Variants in NRG3 observed in about 807,000 individuals in gnomAD.
NRG3 encodes pro-neuregulin-3, membrane-bound isoform.
In NRG3, 31 loss-of-function variants were observed where a neutral mutation model predicts 66.9. That is an observed-to-expected ratio of 0.46 (90% CI 0.35 to 0.63). NRG3 has a LOEUF of 0.63. NRG3 is among the 20% of genes least tolerant of loss of function. The probability of loss-of-function intolerance (pLI) is 0.00; values close to 1 mark genes in which losing one functional copy is unlikely to be tolerated. For synonymous variants in NRG3, 393 were observed against 359.4 expected, an observed-to-expected ratio of 1.09 and a Z score of -1.06; for missense variants, 910 against 878.9, an observed-to-expected ratio of 1.04 and a Z score of -0.45.
chr10:82,668,928 G>C (rs1417431018), intron 2 of NRG3, among the ~76,000 whole-genome samples: 3 of 152,068 alleles, frequency 2.0e-5, no homozygotes, highest in Non-Finnish European at 1.5e-5. Flanking sequence ...GATCCTGAAG[G>C]GCATGAATTT....
At chr10:82,088,248 C>CT (rs934096699) in intron 1 of NRG3, among the ~76,000 whole-genome samples, 3 of 151,924 alleles carry the variant, frequency 2.0e-5, no homozygotes, top group African/African-American at 7.3e-5. Context: ...TCTTTCATTT[C>CT]TTTTTTTATT....
intron 2 of NRG3, among the ~76,000 whole-genome samples, chr10:82,363,446 T>TGTTTGTTA (rs1013509915): frequency 6.6e-6 from 1 of 151,806 alleles, no homozygotes; most frequent in African/African-American, 2.4e-5. Flanking sequence ...TACTGTTTTT[T>TGTTTGTTA]GTTTGTTTGT....
intron 3 of NRG3, among the ~76,000 whole-genome samples, chr10:82,858,302 T>C (rs995522847): frequency 2.0e-5 from 3 of 152,184 alleles, no homozygotes; most frequent in African/African-American, 4.8e-5. Flanking sequence ...TCTCCCCTCC[T>C]AATCAGAACT....
At chr10:82,709,445 G>A (rs61863568) in intron 2 of NRG3, among the ~76,000 whole-genome samples, 36,932 of 151,652 alleles carry the variant, frequency 0.24, 4,656 homozygotes, top group Middle Eastern at 0.36. Context: ...GCTGTGGCGC[G>A]ATCTTGGCTC....
intron 2 of NRG3, among the ~76,000 whole-genome samples, chr10:82,381,483 G>A (rs974997502): frequency 2.6e-5 from 4 of 152,060 alleles, no homozygotes; most frequent in African/African-American, 9.7e-5. Flanking sequence ...TAAGTAACTC[G>A]TCCAAGCGGC....
intron 2 of NRG3, among the ~76,000 whole-genome samples, chr10:82,474,275 A>G (rs1296165074): frequency 6.6e-6 from 1 of 152,136 alleles, no homozygotes; most frequent in Admixed American, 6.6e-5. Flanking sequence ...CTGAAGAAAT[A>G]TAGGCACTGA....
At chr10:82,734,384 G>C (rs2058058098) in intron 2 of NRG3, among the ~76,000 whole-genome samples, 2 of 152,156 alleles carry the variant, frequency 1.3e-5, no homozygotes, top group Non-Finnish European at 2.9e-5. Flanking sequence ...ACACAACCAA[G>C]TGATTGGAGC....
chr10:81,875,674 C>T lies in NRG3; in HGVS notation c.334C>T (p.Pro112Ser). Reference protein sequence around the residue: ...LVDSKGMGQDPFFLSKPSSFP... With the variant: ...LVDSKGMGQDSFFLSKPSSFP... ...GGACTCCAAGGGGATGGGCCAGGAC[C>T]CCTTCTTCCTCTCCAAGCCCAGCTC... The change falls in exon 1 of 9, where the codon CCC (proline) becomes TCC (serine). Residue 112 changes from proline to serine, a missense_variant. Transcript: ENST00000372141. This position sits in a 1 kb window ranked among gnomAD's most constrained non-coding sequence, Gnocchi z 5.3. 6.2e-7 allele frequency: 1 copy of T among 1,613,858 alleles called. No homozygotes were observed. Among genetic ancestry groups the T allele is most frequent in the Non-Finnish European group, 8.5e-7 (1 of 1,179,952 alleles).
At chr10:82,143,480 T>C (rs2069981389) in intron 1 of NRG3, among the ~76,000 whole-genome samples, 1 of 152,200 alleles carries the variant, frequency 6.6e-6, no homozygotes. Flanking sequence ...GGTGCCTGTA[T>C]TGAAAGATTG....
chr10:82,623,231 T>TTTA (rs2049165045), intron 2 of NRG3, among the ~76,000 whole-genome samples: 1 of 152,116 alleles, frequency 6.6e-6, no homozygotes, highest in South Asian at 2.1e-4. Context: ...ACTTCGGGAG[T>TTTA]AGGACTTAAG....
intron 2 of NRG3, among the ~76,000 whole-genome samples, chr10:82,513,049 C>T (rs756291501): frequency 3.9e-5 from 6 of 152,078 alleles, no homozygotes; most frequent in East Asian, 1.9e-4. Context: ...ACCTATCAAC[C>T]GGTCACCTAG....
chr10:82,918,076 T>C (rs1162719704), intron 4 of NRG3, among the ~76,000 whole-genome samples: 1 of 151,206 alleles, frequency 6.6e-6, no homozygotes, highest in East Asian at 1.9e-4. Flanking sequence ...TCTTAAAACA[T>C]TCTAGCAAAG....
intron 1 of NRG3, among the ~76,000 whole-genome samples, chr10:82,205,910 G>A (rs990803821): frequency 6.6e-6 from 1 of 152,112 alleles, no homozygotes; most frequent in Non-Finnish European, 1.5e-5. Context: ...ATCCAAGTCA[G>A]TTCCCAATCA....
At chr10:81,954,802 C>G (rs1405315740) in intron 1 of NRG3, among the ~76,000 whole-genome samples, 1 of 152,144 alleles carries the variant, frequency 6.6e-6, no homozygotes, top group Non-Finnish European at 1.5e-5. Context: ...GAGCACTTCA[C>G]AAGCAGTCCT....
At chr10:82,817,365 C>T (rs2061755678) in intron 3 of NRG3, among the ~76,000 whole-genome samples, 1 of 152,222 alleles carries the variant, frequency 6.6e-6, no homozygotes, top group African/African-American at 2.4e-5. Flanking sequence ...GCTAGGACTA[C>T]AAACCTGATA....
At chr10:82,534,653 C>T (rs1417346967) in intron 2 of NRG3, among the ~76,000 whole-genome samples, 2 of 152,120 alleles carry the variant, frequency 1.3e-5, no homozygotes, top group African/African-American at 4.8e-5. Flanking sequence ...CCAGAGGCAT[C>T]ACACTTTCTG....
intron 3 of NRG3, among the ~76,000 whole-genome samples, chr10:82,856,756 C>CAAAAAAAAA (rs67224862): frequency 1.1e-3 from 119 of 107,372 alleles, no homozygotes; most frequent in Non-Finnish European, 1.4e-3. Flanking sequence ...AAAAAAAAAA[C>CAAAAAAAAA]AAAAAAAAAA....
intron 2 of NRG3, among the ~76,000 whole-genome samples, chr10:82,524,726 A>G (rs1159735582): frequency 6.6e-6 from 1 of 151,896 alleles, no homozygotes; most frequent in Non-Finnish European, 1.5e-5. Flanking sequence ...TTAATATAGA[A>G]CATTTCATTT....
At chr10:82,447,497 A>G (rs1206368810) in intron 2 of NRG3, among the ~76,000 whole-genome samples, 1 of 152,222 alleles carries the variant, frequency 6.6e-6, no homozygotes, top group East Asian at 1.9e-4. Context: ...TATGTTCTCC[A>G]AAATTTCACT....
Sources: allele counts gnomAD v4.1 joint callset (sites outside exome capture counted in the v4.1 genomes callset), GRCh38; gene constraint gnomAD v4.1.1; non-coding constraint Gnocchi (gnomAD v3.1); transcripts MANE v1.5; gene names NCBI Gene and HGNC (gene_info 2026-07-23, HGNC 2026-07-21).